The following C7orf25 variants were observed in gnomAD, a reference collection of about 807,000 sequenced individuals.
C7orf25 encodes chromosome 7 open reading frame 25.
Under a neutral mutation model 25.5 loss-of-function variants are expected in C7orf25, and 14 were observed. The ratio of observed to expected loss-of-function variants is 0.55; its 90% CI spans 0.36 to 0.86. C7orf25 has a LOEUF of 0.86. Among genes scored for constraint, C7orf25 ranks in the 40% least tolerant of loss-of-function variants. C7orf25 has a pLI of 0.01. For missense variants in C7orf25, 405 were observed against 493.9 expected, an observed-to-expected ratio of 0.82 and a Z score of 1.71; for synonymous variants, 184 against 179.9, an observed-to-expected ratio of 1.02 and a Z score of -0.18.
Position 42,909,719 on chromosome 7 carries a change from G to A in C7orf25, c.1182C>T (p.Ile394=), listed in dbSNP as rs781296015. Residue 394 remains isoleucine, a synonymous_variant, in exon 2 of 2, where the codon ATC becomes ATT. Coordinates refer to ENST00000350427, the MANE Select transcript of C7orf25 (RefSeq NM_001099858.2). ...TCTCAGTAAGTGCTCTGGGCTGATG[G>A]ATAAACACACTAAATTTAACACCCT... is the stretch of plus-strand genomic sequence containing the variant. ...NNQGVKFSVF[I]HQPRALTESK... 6.2e-7 allele frequency: 1 copy of A among 1,614,170 alleles called. No homozygotes were observed. Among genetic ancestry groups the A allele is most frequent in the South Asian group, 1.1e-5 (1 of 91,082 alleles).
chr7:42,910,720 C>A lies in C7orf25; in HGVS notation c.181G>T (p.Glu61Ter). ...KVEAGKVAIKESHLQSTNLTH... is the reference protein window; with the variant it reads ...KVEAGKVAIK ...AGGTTAGTGCTCTGTAAATGAGACT[C>A]TTTAATAGCTACTTTCCCAGCTTCT... Residue 61 changes from glutamate to a stop codon, truncating the protein, a stop_gained, in exon 2 of 2, where the codon GAG (glutamate) becomes TAG (stop). Coordinates refer to ENST00000350427, the MANE Select transcript of C7orf25 (RefSeq NM_001099858.2). LOFTEE classifies it high-confidence loss of function. 5 of 1,614,174 alleles carry A rather than the reference C, an allele frequency of 3.1e-6. No individual in the cohort carries two copies. The highest frequency in any genetic ancestry group is 2.2e-5 in the East Asian group (1 of 44,886).
chr7:42,911,872 C>A, intron 1 of C7orf25, 43 bp downstream of exon 1: 3 of 1,398,714 alleles, frequency 2.1e-6, no homozygotes, highest in Non-Finnish European at 2.8e-6. Context: ...TCAGAAGAGG[C>A]GCCCCGCTCC....
At chr7:42,911,548 C>A in intron 1 of C7orf25, 1 of 1,005,306 alleles carries the variant, frequency 9.9e-7, no homozygotes, top group South Asian at 4.6e-5. Flanking sequence ...AGACCACCAA[C>A]TTGCGTCCCA....
chr7:42,910,864 T>C lies in C7orf25; in HGVS notation c.37A>G (p.Ile13Val). Residue 13 changes from isoleucine to valine, a missense_variant, in exon 2 of 2, where the codon ATA becomes GTA. Coordinates refer to ENST00000350427, the MANE Select transcript of C7orf25 (RefSeq NM_001099858.2). ...AHSMLCERIA[I>V]AKELIKRAES... ...GCTCTCTTGATCAGTTCCTTGGCTA[T>C]GGCGATTCGTTCACAGAGCATGGAA... 4 of 1,614,154 alleles carry C rather than the reference T, an allele frequency of 2.5e-6. No individual in the cohort carries two copies. The highest frequency in any genetic ancestry group is 3.4e-6 in the Non-Finnish European group (4 of 1,180,042).
rs199936994 is a variant in C7orf25, at chr7:42,909,627, G to T, written c.*8C>A. 3.1e-6 allele frequency: 5 copies of T among 1,592,518 alleles called. No homozygotes were observed. In the East Asian group the frequency reaches 1.1e-4, roughly 36 times the overall value. ...ACTTACTTCCACAAAAATATTTAAA[G>T]GGTATCTTTAGTGTTCACTGTCAGT... is the stretch of plus-strand genomic sequence containing the variant. On this transcript the variant is annotated 3_prime_UTR_variant, in exon 2 of 2. Transcript: ENST00000350427.
Position 42,910,547 on chromosome 7 carries a change from T to G in C7orf25, c.354A>C (p.Lys118Asn). The G allele has an allele frequency of 6.2e-7, 1 of 1,614,196 alleles. No individual in the cohort carries two copies. Among genetic ancestry groups the G allele is most frequent in the Non-Finnish European group, 8.5e-7 (1 of 1,180,048 alleles). The change falls in exon 2 of 2, where the codon AAA becomes AAC. Residue 118 changes from lysine (K) to asparagine (N), a missense_variant. Lys to Asn is a moderately conservative substitution (Grantham distance 94). Transcript: ENST00000350427. ...VVANGGHTWV[K>N]AIGRKAEALH... ...GAGCTTCAGCCTTCCGGCCAATGGCTTTCACCCAAGTATGACCACCATTTG... is the reference window on the plus strand; with the variant it reads ...GAGCTTCAGCCTTCCGGCCAATGGCGTTCACCCAAGTATGACCACCATTTG...
rs771269755 is a variant in C7orf25, at chr7:42,910,406, G to A, written c.495C>T (p.Ile165=). The A allele has an allele frequency of 3.1e-6, 5 of 1,614,230 alleles. No homozygotes were observed. The East Asian group carries it at 1.1e-4, about 36-fold the overall frequency. The change falls in exon 2 of 2, where the codon ATC becomes ATT. Residue 165 remains isoleucine (I), a synonymous_variant. Transcript: ENST00000350427. ...QQPVQYSNPH[I]IFAFYNSVSS... is the part of the protein sequence containing the mutation. ...AGACACTGTTGTAAAATGCAAAGATGATGTGAGGGTTGCTATACTGCACTG... is the reference window on the plus strand; with the variant it reads ...AGACACTGTTGTAAAATGCAAAGATAATGTGAGGGTTGCTATACTGCACTG...
chr7:42,911,603 T>C, intron 1 of C7orf25: 1 of 1,046,556 alleles, frequency 9.6e-7, no homozygotes. Flanking sequence ...GAAACTAAAC[T>C]CCAAGGCTGC....
At chr7:42,911,605 C>G in intron 1 of C7orf25, 1 of 1,050,390 alleles carries the variant, frequency 9.5e-7, no homozygotes, top group Non-Finnish European at 1.1e-6. Context: ...AACTAAACTC[C>G]AAGGCTGCAA....
chr7:42,911,478 A>C (rs924382795), intron 1 of C7orf25: 64 of 1,002,768 alleles, frequency 6.4e-5, no homozygotes, highest in Non-Finnish European at 7.4e-5. Flanking sequence ...GCCAAAAAAA[A>C]TCAACACTGC....
Position 42,910,935 on chromosome 7 carries a change from C to G in C7orf25, c.-21-14G>C. ...ATTATTCCTTTCCTAGGGAAAGAAA[C>G]AAGGCAAACTTCAGTAGTCTCCTAA... On this transcript the variant is annotated splice_polypyrimidine_tract_variant and intron_variant, in intron 1 of 1. Coordinates refer to ENST00000350427, the MANE Select transcript of C7orf25 (RefSeq NM_001099858.2). 1.2e-6 allele frequency: 2 copies of G among 1,608,812 alleles called. No individual in the cohort carries two copies. The highest frequency in any genetic ancestry group is 1.7e-6 in the Non-Finnish European group (2 of 1,179,282).
intron 1 of C7orf25, 172 bp from the exon 2 acceptor site, chr7:42,911,093 A>G (rs769699604): frequency 1.8e-6 from 2 of 1,102,740 alleles, no homozygotes; most frequent in South Asian, 2.7e-5. Flanking sequence ...ATAGCTAAGG[A>G]AAGGATGGCA....
rs560809702 is a variant in C7orf25, at chr7:42,911,999, C to A, written c.-106G>T. ...CGCCGGGAAATCTCAACCGGGCAGC[C>A]CCCACCCCGCTCGAACGCCGAGGCG... is the stretch of plus-strand genomic sequence containing the variant. On this transcript the variant is annotated 5_prime_UTR_variant, in exon 1 of 2. Coordinates refer to ENST00000350427, the MANE Select transcript of C7orf25 (RefSeq NM_001099858.2). The A allele has an allele frequency of 2.7e-5, 40 of 1,489,136 alleles. No individual in the cohort carries two copies. The highest frequency in any genetic ancestry group is 3.4e-5 in the Non-Finnish European group (38 of 1,127,352). The allele number at this position is 1,489,136 out of a possible 1,614,324, so 92.2% of individuals were successfully genotyped here.
Position 42,909,532 on chromosome 7 carries a change from A to G in C7orf25, c.*103T>C. ...AAACTCTACTGGTTTAAGAGTTCTC[A>G]GTTTTACTTTTACTATAGACCTTTT... On this transcript the variant is annotated 3_prime_UTR_variant, in exon 2 of 2. Transcript: ENST00000350427. 9.8e-6 allele frequency: 12 copies of G among 1,230,554 alleles called. No homozygotes were observed. Among genetic ancestry groups the G allele is most frequent in the Non-Finnish European group, 1.2e-5 (11 of 887,932 alleles). The allele number at this position is 1,230,554 out of a possible 1,614,324, so 76.2% of individuals were successfully genotyped here. A position where few individuals can be genotyped will look rare whatever the true frequency, so the allele number is the denominator to read the frequency against.
intron 1 of C7orf25, chr7:42,911,429 G>C: frequency 9.9e-7 from 1 of 1,009,070 alleles, no homozygotes; most frequent in Non-Finnish European, 1.2e-6. Context: ...TCCTTCAACC[G>C]GCTGCCTCAT....
chr7:42,911,437 CATG>C (rs1421554313), intron 1 of C7orf25: 7 of 1,007,272 alleles, frequency 6.9e-6, no homozygotes, highest in Non-Finnish European at 7.1e-6. Context: ...CCGGCTGCCT[CATG>C]ATTTCCCCCG....
At position 42,909,782 on chromosome 7, in the gene C7orf25, C is replaced by A; in HGVS notation, c.1119G>T (p.Met373Ile). Residue 373 changes from methionine (M) to isoleucine (I), a missense_variant, in exon 2 of 2, where the codon ATG (methionine) becomes ATT (isoleucine). Coordinates refer to ENST00000350427, the MANE Select transcript of C7orf25 (RefSeq NM_001099858.2). The stretch of plus-strand genomic sequence containing the variant: ...CTCTGACAAAACCACTATTAGCAGT[C>A]ATTGTGATGGCTTTTAGGGTGTCTC... ...GTGDTLKAIT[M>I]TANSGFVRAA... The A allele has an allele frequency of 6.2e-7, 1 of 1,614,166 alleles. No individual in the cohort carries two copies. Among genetic ancestry groups the A allele is most frequent in the Non-Finnish European group, 8.5e-7 (1 of 1,180,044 alleles).
rs749578747 is a variant in C7orf25 at position 42,910,754 on chromosome 7, C to T, written c.147G>A (p.Leu49=). ...CTACTTTCCCAGCTTCTACTTTCTG[C>T]AAGAATTTTAATTCTGCCTTCAATT... ...CSKLKAELKF[L]QKVEAGKVAI... Residue 49 remains leucine (L), a synonymous_variant, in exon 2 of 2, where the codon TTG becomes TTA. Transcript: ENST00000350427. The T allele has an allele frequency of 2.5e-6, 4 of 1,614,180 alleles. No homozygotes were observed. The highest frequency in any genetic ancestry group is 1.7e-6 in the Non-Finnish European group (2 of 1,180,036).
intron 1 of C7orf25, 187 bp downstream of exon 1, chr7:42,911,728 A>T: frequency 1.7e-6 from 2 of 1,189,338 alleles, no homozygotes; most frequent in Non-Finnish European, 1.0e-6. Flanking sequence ...GGCCACCTGC[A>T]CAGCCGGGCC....
Sources: gnomAD v4.1 joint callset for allele counts on GRCh38, gnomAD v4.1.1 for gene constraint, MANE v1.5 for transcripts, NCBI Gene and HGNC (gene_info 2026-07-23, HGNC 2026-07-21) for gene names.